Variants in ARHGAP35 observed in about 807,000 individuals in gnomAD.
ARHGAP35 encodes Rho GTPase activating protein 35.
ARHGAP35 carries 15 observed loss-of-function variants against 111.1 expected under a neutral mutation model. The observed-to-expected ratio is 0.13, with a 90% CI of 0.09 to 0.21. The LOEUF (loss-of-function observed/expected upper bound fraction) is 0.21. Ranked by LOEUF, ARHGAP35 falls within the 10% of genes least tolerant of loss-of-function variation. The pLI, the probability that ARHGAP35 is intolerant of heterozygous loss-of-function variation, is 1.00. For synonymous variants in ARHGAP35, 643 were observed against 710.3 expected, an observed-to-expected ratio of 0.91 and a Z score of 1.51; for missense variants, 1,262 against 1,873.0, an observed-to-expected ratio of 0.67 and a Z score of 6.02.
At chr19:46,928,824 C>T (rs954937299) in intron 2 of ARHGAP35, among the ~76,000 whole-genome samples, 2 of 151,722 alleles carry the variant, frequency 1.3e-5, no homozygotes, top group Admixed American at 6.6e-5. Flanking sequence ...CCCAGCTACT[C>T]GGGAGGCTGA....
At chr19:46,876,697 G>A (rs901109448) in intron 1 of ARHGAP35, among the ~76,000 whole-genome samples, 7 of 151,366 alleles carry the variant, frequency 4.6e-5, no homozygotes, top group South Asian at 2.1e-4. Context: ...TCATAGAGAC[G>A]GGGACTCGCT....
intron 1 of ARHGAP35, among the ~76,000 whole-genome samples, chr19:46,915,529 C>T (rs2056158162): frequency 1.3e-5 from 2 of 152,192 alleles, no homozygotes; most frequent in Admixed American, 6.5e-5. Context: ...CCATTCATTG[C>T]TCCCTGGTGT....
intron 3 of ARHGAP35, among the ~76,000 whole-genome samples, chr19:46,970,605 C>A (rs890355843): frequency 6.6e-6 from 1 of 152,110 alleles, no homozygotes; most frequent in Non-Finnish European, 1.5e-5. Flanking sequence ...GCGTCTCCTC[C>A]CCTGAAAAAG....
chr19:46,984,249 G>A (rs1426352531), intron 3 of ARHGAP35, among the ~76,000 whole-genome samples: 2 of 152,194 alleles, frequency 1.3e-5, no homozygotes, highest in Admixed American at 1.3e-4. Flanking sequence ...CATGGTGGGT[G>A]GAGGTCACTG....
At position 47,001,048 on chromosome 19, in the gene ARHGAP35, C is replaced by G. The variant is rs2056745779; in HGVS notation, c.*360C>G. On this transcript the variant is annotated 3_prime_UTR_variant, in exon 7 of 7. Coordinates refer to ENST00000672722, the MANE Select transcript of ARHGAP35 (RefSeq NM_004491.5). This position sits in a 1 kb window ranked among gnomAD's most constrained non-coding sequence, Gnocchi z 5.4. ...GCCCATGGTCGGGACAGTGCCCTGG[C>G]CTTTGCCGGGGAGGAGGATGCTCTG... 4 of 1,368,540 alleles carry G rather than the reference C, an allele frequency of 2.9e-6. No individual in the cohort carries two copies. Among genetic ancestry groups the G allele is most frequent in the Non-Finnish European group, 3.8e-6 (4 of 1,042,600 alleles). 84.8% of individuals were successfully genotyped at this position (1,368,540 alleles called of 1,614,324 possible). A position where few individuals can be genotyped will look rare whatever the true frequency, so the allele number is the denominator to read the frequency against.
At position 46,907,917 on chromosome 19, in the gene ARHGAP35, A is replaced by C. The variant is rs148649798; in HGVS notation, c.-188-10571A>C. 2.6e-5 allele frequency among the ~76,000 whole-genome samples: 4 copies of C among 152,376 alleles called. No individual in the cohort carries two copies. The East Asian group carries it at 7.7e-4, about 29-fold the overall frequency. On this transcript the variant is annotated intron_variant, in intron 1 of 6. Transcript: ENST00000672722. ...TGTTTTGGGACTGGCAGTTTACAGA[A>C]TAATGCAAGTGAGTAGTGAAGAATA... is the stretch of plus-strand genomic sequence containing the variant.
Position 46,926,185 on chromosome 19 carries a change from T to C in ARHGAP35, c.3681+3829T>C, listed in dbSNP as rs1305409834. Reference sequence around the variant, plus strand: ...CTGATTTGCTAGATTAGGTCTTTACTATAAAACTGGAGTCGGAGTGAGGGA... The same window carrying C: ...CTGATTTGCTAGATTAGGTCTTTACCATAAAACTGGAGTCGGAGTGAGGGA... On this transcript the variant is annotated intron_variant, in intron 2 of 6. Coordinates refer to ENST00000672722, the MANE Select transcript of ARHGAP35 (RefSeq NM_004491.5). The surrounding 1 kb of genome is among the most constrained non-coding windows in gnomAD (Gnocchi z 4.1). 2.0e-5 allele frequency among the ~76,000 whole-genome samples: 3 copies of C among 152,210 alleles called. No individual in the cohort carries two copies. Among genetic ancestry groups the C allele is most frequent in the Non-Finnish European group, 4.4e-5 (3 of 68,034 alleles).
chr19:46,894,292 G>T (rs2056041784), intron 1 of ARHGAP35, among the ~76,000 whole-genome samples: 1 of 152,128 alleles, frequency 6.6e-6, no homozygotes, highest in South Asian at 2.1e-4. Flanking sequence ...CTTGAGGTTA[G>T]TTTTTGAGAG....
At position 46,988,453 on chromosome 19, in the gene ARHGAP35, C is replaced by A; in HGVS notation, c.3904+387C>A. 1 of 211,666 alleles carries A rather than the reference C, an allele frequency of 4.7e-6. No individual in the cohort carries two copies. Among genetic ancestry groups the A allele is most frequent in the Non-Finnish European group, 9.7e-6 (1 of 102,748 alleles). The allele number at this position is 211,666 out of a possible 1,614,324, so 13.1% of individuals were successfully genotyped here. The stretch of plus-strand genomic sequence containing the variant: ...ATGTGATCCTGTTTTGCCAGGGCCT[C>A]AGATCTACCCTCCTCACAAAGTCCC... On this transcript the variant is annotated intron_variant, in intron 4 of 6. Coordinates refer to ENST00000672722, the MANE Select transcript of ARHGAP35 (RefSeq NM_004491.5). The surrounding 1 kb of genome is among the most constrained non-coding windows in gnomAD (Gnocchi z 5.4).
At chr19:46,868,378 A>T (rs2055869653) in intron 1 of ARHGAP35, among the ~76,000 whole-genome samples, 1 of 152,314 alleles carries the variant, frequency 6.6e-6, no homozygotes. Context: ...TAAACAATTA[A>T]CTATATAGGG....
At chr19:46,982,203 G>T (rs145711260) in intron 3 of ARHGAP35, among the ~76,000 whole-genome samples, 1 of 152,132 alleles carries the variant, frequency 6.6e-6, no homozygotes, top group Non-Finnish European at 1.5e-5. Flanking sequence ...GGAGCCGGGT[G>T]CGGTGGCTCA....
intron 3 of ARHGAP35, among the ~76,000 whole-genome samples, chr19:46,943,247 C>T (rs1279514432): frequency 1.3e-5 from 2 of 152,082 alleles, no homozygotes; most frequent in African/African-American, 4.8e-5. Flanking sequence ...GCAGAATGTC[C>T]TCTTCATGTA....
chr19:46,904,996 G>T lies in ARHGAP35; in HGVS notation c.-188-13492G>T, dbSNP rs2056099404. Among the ~76,000 whole-genome samples, 5 of 152,284 alleles carry T rather than the reference G, an allele frequency of 3.3e-5. No homozygotes were observed. The South Asian group carries it at 1.0e-3, about 32-fold the overall frequency. ...TCAGGAGACCTGGGTTCTGGACTGGGGTTCCTGTCTATCTAGCTGAGTTAT... is the reference window on the plus strand; with the variant it reads ...TCAGGAGACCTGGGTTCTGGACTGGTGTTCCTGTCTATCTAGCTGAGTTAT... On this transcript the variant is annotated intron_variant, in intron 1 of 6. Transcript: ENST00000672722.
chr19:46,952,509 G>T (rs562935319), intron 3 of ARHGAP35, among the ~76,000 whole-genome samples: 6 of 152,154 alleles, frequency 3.9e-5, no homozygotes, highest in African/African-American at 1.4e-4. Context: ...GTATTTCCAC[G>T]TGCTTAACAA....
Position 47,001,258 on chromosome 19 carries a change from G to C in ARHGAP35, c.*570G>C. The stretch of plus-strand genomic sequence containing the variant: ...CTGAGGGCGCTGGCTCTGCAGATCA[G>C]AACAACGGAGGATAGCTTTGTGCCT... On this transcript the variant is annotated 3_prime_UTR_variant, in exon 7 of 7. Transcript: ENST00000672722. The surrounding 1 kb of genome is among the most constrained non-coding windows in gnomAD (Gnocchi z 5.4). The C allele has an allele frequency of 7.8e-7, 1 of 1,289,534 alleles. No individual in the cohort carries two copies. The highest frequency in any genetic ancestry group is 1.0e-6 in the Non-Finnish European group (1 of 989,386). 79.9% of individuals were successfully genotyped at this position (1,289,534 alleles called of 1,614,324 possible).
Position 46,919,584 on chromosome 19 carries a change from A to G in ARHGAP35, c.909A>G (p.Pro303=), listed in dbSNP as rs764383715. Residue 303 remains proline (P), a synonymous_variant, in exon 2 of 7, where the codon CCA becomes CCG. Transcript: ENST00000672722. This position sits in a 1 kb window ranked among gnomAD's most constrained non-coding sequence, Gnocchi z 6.2. ...LSVSRKMQAS[P]EYQDYVYLEG... is the part of the protein sequence containing the mutation. ...TCAGCCGAAAGATGCAGGCCTCTCC[A>G]GAATACCAGGACTATGTCTACCTGG... 6.2e-7 allele frequency: 1 copy of G among 1,613,972 alleles called. No homozygotes were observed. Among genetic ancestry groups the G allele is most frequent in the Non-Finnish European group, 8.5e-7 (1 of 1,179,872 alleles).
intron 1 of ARHGAP35, among the ~76,000 whole-genome samples, chr19:46,871,149 G>T (rs1037488538): frequency 2.0e-5 from 3 of 152,200 alleles, no homozygotes; most frequent in African/African-American, 7.2e-5. Flanking sequence ...ACTGTCACAA[G>T]TGTGAAAGCA....
Position 46,921,810 on chromosome 19 carries a change from T to G in ARHGAP35, c.3135T>G (p.Pro1045=), listed in dbSNP as rs2056202796. 8.1e-6 allele frequency: 13 copies of G among 1,613,964 alleles called. No individual in the cohort carries two copies. Among genetic ancestry groups the G allele is most frequent in the Non-Finnish European group, 1.1e-5 (13 of 1,179,888 alleles). ...NKVPPPVKPK[P]PVHFEITKGD... The stretch of plus-strand genomic sequence containing the variant: ...TACCTCCGCCAGTCAAACCAAAGCC[T>G]CCTGTCCATTTTGAAATTACAAAGG... Residue 1045 remains proline (P), a synonymous_variant, in exon 2 of 7, where the codon CCT becomes CCG. Coordinates refer to ENST00000672722, the MANE Select transcript of ARHGAP35 (RefSeq NM_004491.5). The surrounding 1 kb of genome is among the most constrained non-coding windows in gnomAD (Gnocchi z 4.3).
chr19:46,933,437 C>T (rs2056285439), intron 2 of ARHGAP35, among the ~76,000 whole-genome samples: 1 of 152,120 alleles, frequency 6.6e-6, no homozygotes, highest in Admixed American at 6.5e-5. Flanking sequence ...CATGAGCCAC[C>T]AAGCCCAGCT....
Sources: allele counts gnomAD v4.1 joint callset (sites outside exome capture counted in the v4.1 genomes callset), GRCh38; gene constraint gnomAD v4.1.1; non-coding constraint Gnocchi (gnomAD v3.1); transcripts MANE v1.5; gene names NCBI Gene and HGNC (gene_info 2026-07-23, HGNC 2026-07-21).